The following PIBF1 variants were observed in gnomAD, a reference collection of about 807,000 sequenced individuals.
PIBF1 encodes the protein progesterone immunomodulatory binding factor 1.
In PIBF1, 90 loss-of-function variants were observed where a neutral mutation model predicts 112.5. The observed-to-expected ratio is 0.80, with a 90% confidence interval of 0.67 to 0.95. The LOEUF is 0.95. Among genes scored for constraint, PIBF1 ranks in the 40% least tolerant of loss-of-function variants. The pLI, the probability that PIBF1 is intolerant of heterozygous loss-of-function variation, is 0.00. For synonymous variants in PIBF1, 301 were observed against 288.6 expected (o/e 1.04, Z -0.44); for missense variants, 915 against 852.3 (o/e 1.07, Z -0.92).
At chr13:73,001,582 C>CTTTTTTTTTGTTTTTTTTTTT (rs2043868477) in intron 17 of PIBF1, among the ~76,000 whole-genome samples, 1 of 29,160 alleles carries the variant, frequency 3.4e-5, no homozygotes, top group African/African-American at 8.3e-5. Flanking sequence ...AAGAGCTTGA[C>CTTTTTTTTTGTTTTTTTTTTT]TTTTTTTTTT....
At chr13:72,974,751 C>T (rs1178428753) in intron 16 of PIBF1, among the ~76,000 whole-genome samples, 2 of 152,322 alleles carry the variant, frequency 1.3e-5, no homozygotes, top group Non-Finnish European at 2.9e-5. Context: ...AATAAAATAT[C>T]TGTAAACAAT....
At chr13:72,903,736 G>C (rs894544455) in intron 11 of PIBF1, among the ~76,000 whole-genome samples, 4 of 152,060 alleles carry the variant, frequency 2.6e-5, no homozygotes, top group Non-Finnish European at 5.9e-5. Context: ...TTTCTCCTTA[G>C]TTTTATCATA....
intron 16 of PIBF1, among the ~76,000 whole-genome samples, chr13:72,993,573 T>C (rs905152250): frequency 1.8e-4 from 27 of 151,754 alleles, no homozygotes; most frequent in African/African-American, 5.6e-4. Flanking sequence ...AGTGAAACCC[T>C]GACTCTACTA....
chr13:72,835,484 C>A (rs2038846), intron 9 of PIBF1, 116 bp downstream of exon 9: 11 of 720,658 alleles, frequency 1.5e-5, no homozygotes, highest in Middle Eastern at 4.4e-4. Flanking sequence ...TTAGAGAAAA[C>A]TTGTCATAAA....
intron 13 of PIBF1, among the ~76,000 whole-genome samples, chr13:72,927,970 T>C (rs1377083981): frequency 4.0e-4 from 48 of 120,758 alleles, no homozygotes; most frequent in South Asian, 5.6e-4. Flanking sequence ...CACATATATA[T>C]ATATATACAT....
At chr13:72,858,015 A>C (rs1325410234) in intron 10 of PIBF1, among the ~76,000 whole-genome samples, 1 of 39,102 alleles carries the variant, frequency 2.6e-5, no homozygotes, top group Non-Finnish European at 4.5e-5. Flanking sequence ...CAGAAGTACA[A>C]ATGTACATTG....
At chr13:72,927,943 G>GTTTA (rs2041542103) in intron 13 of PIBF1, among the ~76,000 whole-genome samples, 1 of 86,358 alleles carries the variant, frequency 1.2e-5, no homozygotes, top group South Asian at 3.7e-4. Flanking sequence ...TAATATATGT[G>GTTTA]TGTATATATA....
chr13:72,906,783 C>G (rs1284448707), intron 11 of PIBF1, among the ~76,000 whole-genome samples: 2 of 152,060 alleles, frequency 1.3e-5, no homozygotes, highest in Non-Finnish European at 2.9e-5. Flanking sequence ...AATCATTTCT[C>G]CTGTTTTTCT....
intron 9 of PIBF1, among the ~76,000 whole-genome samples, chr13:72,847,456 C>CA (rs2037926507): frequency 6.6e-6 from 1 of 152,164 alleles, no homozygotes. Context: ...AGGTAGGAGA[C>CA]AGAGCAAGGG....
At chr13:72,998,667 A>G (rs1156841755) in intron 16 of PIBF1, among the ~76,000 whole-genome samples, 155 bp from the exon 17 acceptor site, 1 of 152,190 alleles carries the variant, frequency 6.6e-6, no homozygotes, top group Non-Finnish European at 1.5e-5. Context: ...TGATCAAAAG[A>G]TTCATGTGCA....
At chr13:72,981,098 C>T (rs1043131030) in intron 16 of PIBF1, among the ~76,000 whole-genome samples, 12 of 150,736 alleles carry the variant, frequency 8.0e-5, no homozygotes, top group African/African-American at 2.4e-4. Context: ...CACAAAAATT[C>T]GCCGGGCGTG....
chr13:72,952,019 C>CTTTCT (rs1180329397), intron 14 of PIBF1, among the ~76,000 whole-genome samples: 1 of 140,004 alleles, frequency 7.1e-6, no homozygotes, highest in African/African-American at 2.5e-5. Flanking sequence ...TAATTTCTTT[C>CTTTCT]TTTCTTTTCT....
At chr13:72,892,792 A>ACG (rs2138564314) in intron 10 of PIBF1, among the ~76,000 whole-genome samples, 1 of 150,548 alleles carries the variant, frequency 6.6e-6, no homozygotes, top group East Asian at 2.0e-4. Context: ...CCTTACACAC[A>ACG]CACACACACA....
In PIBF1 at chr13:72,906,034, G is replaced by C. The variant is rs74868892; in HGVS notation, c.1489-2497G>C. Among the ~76,000 whole-genome samples, 1,078 of 152,184 alleles carry C rather than the reference G, an allele frequency of 7.1e-3. 23 individuals are homozygous for C. The highest frequency in any genetic ancestry group is 0.024 in the African/African-American group (1,013 of 41,540). ...TCAATAAATACTTGATGAATGAATG[G>C]TTTGATTAAGAATAATGTAGTATCA... On this transcript the variant is annotated intron_variant, in intron 11 of 17. Coordinates refer to ENST00000326291, the MANE Select transcript of PIBF1 (RefSeq NM_006346.4).
intron 16 of PIBF1, among the ~76,000 whole-genome samples, chr13:72,992,627 C>T (rs2043516802): frequency 6.6e-6 from 1 of 151,842 alleles, no homozygotes; most frequent in Non-Finnish European, 1.5e-5. Context: ...AACCCCATCT[C>T]CACAAAAATG....
chr13:72,945,535 G>A (rs1187093716), intron 14 of PIBF1, among the ~76,000 whole-genome samples: 1 of 152,106 alleles, frequency 6.6e-6, no homozygotes, highest in African/African-American at 2.4e-5. Flanking sequence ...TTTCTCCTCA[G>A]CCTCACCAGT....
intron 13 of PIBF1, among the ~76,000 whole-genome samples, chr13:72,920,475 G>T (rs1196726119): frequency 2.0e-5 from 3 of 152,184 alleles, no homozygotes; most frequent in African/African-American, 4.8e-5. Context: ...CCAGGTTAGG[G>T]TCTGATACAT....
At chr13:72,817,328 C>T (rs1394607579) in intron 5 of PIBF1, among the ~76,000 whole-genome samples, 1 of 152,136 alleles carries the variant, frequency 6.6e-6, no homozygotes, top group Admixed American at 6.6e-5. Context: ...TTATTGAGAA[C>T]AGAAATTGAG....
At position 72,893,112 on chromosome 13, in the gene PIBF1, T is replaced by C. The variant is rs190568403; in HGVS notation, c.1323-672T>C. ...AAGATACAGTGTATGTGTATTTTGC[T>C]TTTCTGTTAGAACACAATCAACCTT... On this transcript the variant is annotated intron_variant, in intron 10 of 17. Coordinates refer to ENST00000326291, the MANE Select transcript of PIBF1 (RefSeq NM_006346.4). Among the ~76,000 whole-genome samples, 20 of 152,294 alleles carry C rather than the reference T, an allele frequency of 1.3e-4. No individual in the cohort carries two copies. The East Asian group carries it at 3.9e-3, about 29-fold the overall frequency.
Sources: allele counts gnomAD v4.1 joint callset (sites outside exome capture counted in the v4.1 genomes callset), GRCh38; gene constraint gnomAD v4.1.1; transcripts MANE v1.5; gene names NCBI Gene and HGNC (gene_info 2026-07-23, HGNC 2026-07-21).